Variants in SMYD3 observed in about 807,000 individuals in gnomAD.
SMYD3 encodes SET and MYND domain containing 3.
A neutral mutation model predicts 57.7 loss-of-function variants in SMYD3; 36 were observed. The ratio of observed to expected loss-of-function variants is 0.62; its 90% confidence interval spans 0.48 to 0.82. The LOEUF is 0.82. Among genes scored for constraint, SMYD3 ranks in the 40% least tolerant of loss-of-function variants. SMYD3 has a pLI of 0.00. For missense variants in SMYD3, 515 were observed against 538.8 expected (o/e 0.96, Z 0.44); for synonymous variants, 211 against 195.0 (o/e 1.08, Z -0.68).
chr1:246,282,420 T>C (rs1007153656), intron 5 of SMYD3, among the ~76,000 whole-genome samples: 9 of 149,546 alleles, frequency 6.0e-5, no homozygotes, highest in Admixed American at 4.0e-4. Flanking sequence ...GATCGCTTGA[T>C]CCCAGGAGGT....
intron 1 of SMYD3, among the ~76,000 whole-genome samples, chr1:246,371,529 T>C (rs1377631579): frequency 4.6e-5 from 7 of 152,174 alleles, no homozygotes; most frequent in Admixed American, 1.3e-4. Context: ...TTCCCAAAGA[T>C]TGAAATCAAA....
At chr1:245,798,361 A>C (rs1390415548) in intron 10 of SMYD3, among the ~76,000 whole-genome samples, 2 of 1,270 alleles carry the variant, frequency 1.6e-3, no homozygotes, top group Non-Finnish European at 4.2e-3. Context: ...TTCTGAGGGA[A>C]GGATCTTGAC....
intron 10 of SMYD3, among the ~76,000 whole-genome samples, chr1:245,790,187 T>C (rs2047209314): frequency 6.6e-6 from 1 of 152,136 alleles, no homozygotes; most frequent in Non-Finnish European, 1.5e-5. Context: ...CATTGGGGGC[T>C]GGTAGATGAG....
chr1:246,398,019 G>A (rs1400264945), intron 1 of SMYD3, among the ~76,000 whole-genome samples: 8 of 152,040 alleles, frequency 5.3e-5, no homozygotes, highest in Non-Finnish European at 1.2e-4. Context: ...GGGTCTGGGT[G>A]GAATCCGTCA....
intron 10 of SMYD3, among the ~76,000 whole-genome samples, chr1:245,850,862 G>A (rs182640993): frequency 4.0e-4 from 61 of 152,300 alleles, no homozygotes; most frequent in African/African-American, 1.4e-3. Context: ...CTGGTCATGA[G>A]CACAGCCTCC....
chr1:246,429,547 T>C (rs1237681139), intron 1 of SMYD3, among the ~76,000 whole-genome samples: 2 of 152,266 alleles, frequency 1.3e-5, no homozygotes, highest in African/African-American at 4.8e-5. Context: ...CCCACATATA[T>C]CTACATAAGT....
In SMYD3 at chr1:246,330,546, GA is replaced by G; in HGVS notation, c.337-10del. The G allele has an allele frequency of 1.3e-6, 2 of 1,584,888 alleles. No homozygotes were observed. The highest frequency in any genetic ancestry group is 3.6e-5 in the Admixed American group (2 of 54,808). ...GAAGGTGCTCCATCCATCTGTGAAG[GA>G]AAAGGGGAAAACGCCAATAACAATT... On this transcript the variant is annotated splice_polypyrimidine_tract_variant and intron_variant, in intron 3 of 11. Transcript: ENST00000490107.
At chr1:246,094,161 T>G (rs2060873700) in intron 5 of SMYD3, among the ~76,000 whole-genome samples, 1 of 151,588 alleles carries the variant, frequency 6.6e-6, no homozygotes, top group Non-Finnish European at 1.5e-5. Flanking sequence ...GATGATGCAG[T>G]GTTTGTGATA....
chr1:246,468,832 C>T (rs760491512), intron 1 of SMYD3, among the ~76,000 whole-genome samples: 2 of 151,920 alleles, frequency 1.3e-5, no homozygotes, highest in Non-Finnish European at 2.9e-5. Flanking sequence ...AAAAATTAGC[C>T]GGGCATGGTG....
chr1:246,079,660 A>G (rs2147830439), intron 5 of SMYD3, among the ~76,000 whole-genome samples: 1 of 152,346 alleles, frequency 6.6e-6, no homozygotes, highest in Non-Finnish European at 1.5e-5. Context: ...TCAATAAACA[A>G]GAGCTTAGAG....
intron 5 of SMYD3, among the ~76,000 whole-genome samples, chr1:245,935,897 GAGATGTTGGTCAAAGGGTGCA>G (rs1326731863): frequency 6.6e-6 from 1 of 152,192 alleles, no homozygotes; most frequent in Non-Finnish European, 1.5e-5. Flanking sequence ...GAGAAATGGG[GAGATGTTGGTCAAAGGGTGCA>G]AAGTTTCACC....
rs376422286 is a variant in SMYD3, at chr1:245,929,953, G to A, written c.532-16C>T. On this transcript the variant is annotated splice_polypyrimidine_tract_variant and intron_variant, in intron 5 of 11. Transcript: ENST00000490107. ...TGCAGATCACCTGTAAACACAAGGG[G>A]AACCATCAGTATTACTAGAGTCACT... 6.2e-7 allele frequency: 1 copy of A among 1,609,108 alleles called. No homozygotes were observed. Among genetic ancestry groups the A allele is most frequent in the African/African-American group, 1.3e-5 (1 of 74,762 alleles).
At chr1:246,228,161 G>A (rs895266987) in intron 5 of SMYD3, among the ~76,000 whole-genome samples, 6 of 151,914 alleles carry the variant, frequency 3.9e-5, no homozygotes, top group Non-Finnish European at 5.9e-5. Flanking sequence ...GTAGAGATGG[G>A]TTTTCACCAT....
At chr1:245,925,111 C>T (rs2056278372) in intron 7 of SMYD3, among the ~76,000 whole-genome samples, 1 of 152,152 alleles carries the variant, frequency 6.6e-6, no homozygotes, top group Admixed American at 6.5e-5. Context: ...CATATTAAAA[C>T]TGTGGGTGCC....
intron 5 of SMYD3, among the ~76,000 whole-genome samples, chr1:246,055,427 G>C (rs1211414989): frequency 1.3e-5 from 2 of 152,038 alleles, no homozygotes; most frequent in African/African-American, 4.8e-5. Context: ...GCAAGACCTA[G>C]TCTTTAAAAA....
chr1:246,185,697 G>A (rs963691444), intron 5 of SMYD3, among the ~76,000 whole-genome samples: 6 of 152,042 alleles, frequency 3.9e-5, no homozygotes, highest in Non-Finnish European at 7.4e-5. Context: ...TCCTGATTTC[G>A]TGATCACCCG....
intron 5 of SMYD3, among the ~76,000 whole-genome samples, chr1:245,978,427 A>T (rs1458132489): frequency 2.0e-5 from 3 of 152,252 alleles, no homozygotes; most frequent in African/African-American, 7.2e-5. Flanking sequence ...TAAGTACAAC[A>T]GTCACCATTC....
intron 1 of SMYD3, among the ~76,000 whole-genome samples, chr1:246,495,514 T>TC (rs1399656769): frequency 6.6e-6 from 1 of 152,104 alleles, no homozygotes; most frequent in Non-Finnish European, 1.5e-5. Flanking sequence ...AGGGAATTTC[T>TC]CAAAGGAAAT....
rs567541864 is a variant in SMYD3, at chr1:246,207,371, G to T, written c.531+119830C>A. Among the ~76,000 whole-genome samples, 4 of 152,036 alleles carry T rather than the reference G, an allele frequency of 2.6e-5. No homozygotes were observed. The South Asian group carries it at 6.2e-4, about 24-fold the overall frequency. On this transcript the variant is annotated intron_variant, in intron 5 of 11. Coordinates refer to ENST00000490107, the MANE Select transcript of SMYD3 (RefSeq NM_001167740.2). ...TTCCACGTTTTCATCGTTATCAGTGGCCCATGTTAGTAGGTTAATCTTAGT... is the reference window on the plus strand; with the variant it reads ...TTCCACGTTTTCATCGTTATCAGTGTCCCATGTTAGTAGGTTAATCTTAGT...
Sources: gnomAD v4.1 joint callset for allele counts (sites outside exome capture counted in the v4.1 genomes callset) on GRCh38, gnomAD v4.1.1 for gene constraint, MANE v1.5 for transcripts, NCBI Gene and HGNC (gene_info 2026-07-23, HGNC 2026-07-21) for gene names.